CLNK: variants seen among roughly 807,000 people sequenced by gnomAD.
CLNK encodes the protein cytokine dependent hematopoietic cell linker, also known as cytokine-dependent hematopoietic cell linker.
Under a neutral mutation model 68.6 loss-of-function variants are expected in CLNK, and 74 were observed. That is an observed-to-expected ratio of 1.08 (90% CI 0.89 to 1.31). The LOEUF is 1.31. Among genes scored for constraint, CLNK ranks in the 50% most tolerant of loss-of-function variants. The probability of loss-of-function intolerance (pLI) is 0.00; values close to 1 mark genes in which losing one functional copy is unlikely to be tolerated. For missense variants in CLNK, 553 were observed against 515.3 expected (o/e 1.07, Z -0.71); for synonymous variants, 198 against 172.2 (o/e 1.15, Z -1.17).
the CLNK span, among the ~76,000 whole-genome samples, chr4:10,733,818 G>C: frequency 6.6e-6 from 1 of 152,204 alleles, no homozygotes; most frequent in Non-Finnish European, 1.5e-5. Flanking sequence ...GAGTTCTACA[G>C]AGAATGCAGC....
intron 2 of CLNK, among the ~76,000 whole-genome samples, chr4:10,604,387 T>G (rs545281852): frequency 2.0e-5 from 3 of 152,280 alleles, no homozygotes; most frequent in African/African-American, 4.8e-5. Context: ...GGGTGCCAGG[T>G]GTAAACTTCC....
At chr4:10,655,844 T>C (rs1723956719) in intron 2 of CLNK, among the ~76,000 whole-genome samples, 1 of 151,688 alleles carries the variant, frequency 6.6e-6, no homozygotes, top group South Asian at 2.1e-4. Flanking sequence ...AGAGATGGGG[T>C]TTCACCGTGT....
At chr4:10,728,140 C>T in the CLNK span, among the ~76,000 whole-genome samples, 1 of 152,130 alleles carries the variant, frequency 6.6e-6, no homozygotes, top group Admixed American at 6.5e-5. Context: ...GCTGAACATC[C>T]TACAGTGCGA....
chr4:10,603,508 G>A (rs532829950), intron 2 of CLNK, among the ~76,000 whole-genome samples: 19 of 152,256 alleles, frequency 1.2e-4, no homozygotes, highest in Admixed American at 9.8e-4. Flanking sequence ...AGGAACTGCC[G>A]CAGGTTGGGC....
the CLNK span, among the ~76,000 whole-genome samples, chr4:10,694,296 G>A: frequency 6.6e-5 from 10 of 151,620 alleles, no homozygotes; most frequent in Admixed American, 3.3e-4. Flanking sequence ...CACACCTTTA[G>A]ACACCTTGAG....
intron 3 of CLNK, among the ~76,000 whole-genome samples, chr4:10,587,293 C>T (rs1374989977): frequency 6.6e-6 from 1 of 152,178 alleles, no homozygotes; most frequent in Non-Finnish European, 1.5e-5. Flanking sequence ...CTTTGCACAG[C>T]CACAATCCAA....
At chr4:10,700,082 A>G in the CLNK span, among the ~76,000 whole-genome samples, 2 of 151,326 alleles carry the variant, frequency 1.3e-5, no homozygotes, top group African/African-American at 4.9e-5. Flanking sequence ...TACACTCATG[A>G]AGTTTTTGCA....
At chr4:10,664,132 C>T (rs2108890688) in intron 2 of CLNK, among the ~76,000 whole-genome samples, 1 of 151,828 alleles carries the variant, frequency 6.6e-6, no homozygotes, top group East Asian at 1.9e-4. Flanking sequence ...GCTTAGGATT[C>T]CAGGTTATAA....
chr4:10,520,928 C>G (rs1193304470), intron 14 of CLNK, 97 bp from the exon 15 acceptor site: 1 of 872,876 alleles, frequency 1.1e-6, no homozygotes, highest in East Asian at 2.6e-5. Flanking sequence ...AGCCTGAAGT[C>G]ACAGTTATAA....
chr4:10,636,500 A>G (rs980936119), intron 2 of CLNK, among the ~76,000 whole-genome samples: 3 of 152,174 alleles, frequency 2.0e-5, no homozygotes, highest in Admixed American at 6.5e-5. Context: ...GTAAGAAAAT[A>G]CATTTCTGTT....
intron 17 of CLNK, among the ~76,000 whole-genome samples, chr4:10,503,282 G>T (rs182641161): frequency 4.9e-4 from 74 of 151,782 alleles, no homozygotes; most frequent in Non-Finnish European, 8.8e-4. Flanking sequence ...GCTGACATGG[G>T]GAAACCTCAT....
chr4:10,562,207 C>G (rs559473100), intron 7 of CLNK, among the ~76,000 whole-genome samples: 1 of 146,478 alleles, frequency 6.8e-6, no homozygotes, highest in African/African-American at 2.5e-5. Context: ...CTCAAATAAT[C>G]CTCCCACCTC....
chr4:10,499,979 G>A (rs1264953182), intron 18 of CLNK, among the ~76,000 whole-genome samples: 3 of 152,140 alleles, frequency 2.0e-5, no homozygotes, highest in Admixed American at 2.0e-4. Flanking sequence ...GGCTACTGAG[G>A]GTTAGGACTT....
intron 2 of CLNK, among the ~76,000 whole-genome samples, chr4:10,663,729 T>C (rs1014520195): frequency 6.6e-6 from 1 of 152,238 alleles, no homozygotes; most frequent in Non-Finnish European, 1.5e-5. Flanking sequence ...GATAGTCCTA[T>C]GATTTAAATG....
At chr4:10,658,262 T>C (rs1180272397) in intron 2 of CLNK, among the ~76,000 whole-genome samples, 2 of 152,354 alleles carry the variant, frequency 1.3e-5, no homozygotes, top group Non-Finnish European at 2.9e-5. Context: ...ACAATGAATG[T>C]TCTTCATGGT....
intron 3 of CLNK, among the ~76,000 whole-genome samples, chr4:10,586,873 A>G (rs949959726): frequency 1.3e-5 from 2 of 151,976 alleles, no homozygotes; most frequent in African/African-American, 2.4e-5. Context: ...ATGACTAGTG[A>G]GATTGAATTT....
At chr4:10,492,380 C>T (rs996279879) in intron 18 of CLNK, among the ~76,000 whole-genome samples, 7 of 152,096 alleles carry the variant, frequency 4.6e-5, no homozygotes, top group African/African-American at 7.2e-5. Context: ...TTCCTCTGTC[C>T]GGGGCATCCT....
chr4:10,530,852 G>T (rs922800919), intron 12 of CLNK, among the ~76,000 whole-genome samples: 2 of 152,166 alleles, frequency 1.3e-5, no homozygotes, highest in Non-Finnish European at 2.9e-5. Flanking sequence ...GCTCCTTCCA[G>T]GTGACACTAA....
chr4:10,688,366 G>T (rs192482130), upstream of CLNK, among the ~76,000 whole-genome samples: 3 of 152,268 alleles, frequency 2.0e-5, no homozygotes, highest in Non-Finnish European at 4.4e-5. Flanking sequence ...GGTAGATCAT[G>T]TGGAAGAATT....
Sources: gnomAD v4.1 joint callset for allele counts (sites outside exome capture counted in the v4.1 genomes callset) on GRCh38, gnomAD v4.1.1 for gene constraint, MANE v1.5 for transcripts, NCBI Gene and HGNC (gene_info 2026-07-23, HGNC 2026-07-21) for gene names.